ZSCAN21: variants seen among roughly 807,000 people sequenced by gnomAD.
The protein encoded by ZSCAN21 is zinc finger and SCAN domain-containing protein 21.
In ZSCAN21, 26 loss-of-function variants were observed where a neutral mutation model predicts 35.6. That is an observed-to-expected ratio of 0.73 (90% CI 0.54 to 1.01). ZSCAN21 has a LOEUF of 1.01. Among genes scored for constraint, ZSCAN21 ranks in the 50% least tolerant of loss-of-function variants. ZSCAN21 has a pLI of 0.00. For missense variants in ZSCAN21, 593 were observed against 587.1 expected (o/e 1.01, Z -0.10); for synonymous variants, 219 against 219.3 (o/e 1.00, Z 0.01).
intron 1 of ZSCAN21, among the ~76,000 whole-genome samples, chr7:100,051,303 T>TTTTTTTTTTTTTTTTTTTTTTTTTTTG (rs1791869731): frequency 2.4e-5 from 2 of 83,256 alleles, no homozygotes; most frequent in Non-Finnish European, 5.1e-5. Context: ...TTTTTTTTTT[T>TTTTTTTTTTTTTTTTTTTTTTTTTTTG]TTTTTTTTGA....
rs1003011384 is a variant in ZSCAN21 at position 100,063,038 on chromosome 7, C to T, written c.593-750C>T. 2.0e-5 allele frequency among the ~76,000 whole-genome samples: 3 copies of T among 152,118 alleles called. No individual in the cohort carries two copies. In the South Asian group the frequency reaches 6.2e-4, roughly 32 times the overall value. On this transcript the variant is annotated intron_variant, in intron 3 of 3. Transcript: ENST00000292450. ...TCCCAAGTAGCTGGGACCACAGGGG[C>T]ACACCATGCCCACCTAATTTTTTTA...
At chr7:100,060,202 T>C (rs542975726) in intron 3 of ZSCAN21, among the ~76,000 whole-genome samples, 14 of 152,310 alleles carry the variant, frequency 9.2e-5, no homozygotes, top group Non-Finnish European at 1.8e-4. Flanking sequence ...TGGCAGGCAT[T>C]GGACATCAGT....
intron 3 of ZSCAN21, among the ~76,000 whole-genome samples, chr7:100,058,522 G>A (rs940128153): frequency 6.6e-6 from 1 of 152,242 alleles, no homozygotes; most frequent in African/African-American, 2.4e-5. Flanking sequence ...CACAGGGCGG[G>A]TCAGAGAATG....
At position 100,057,758 on chromosome 7, in the gene ZSCAN21, G is replaced by T. The variant is rs753668216; in HGVS notation, c.460G>T (p.Ala154Ser). 1.9e-6 allele frequency: 3 copies of T among 1,614,030 alleles called. No individual in the cohort carries two copies. In the South Asian group the frequency reaches 3.3e-5, roughly 18 times the overall value. ...GGAGAAGATATCCTCCTCAGGAACT[G>T]CAAAGGAATCCCCGAGCAGCATGCA... ...VWEKISSSGTAKESPSSMQPQ... is the reference protein window; with the variant it reads ...VWEKISSSGTSKESPSSMQPQ... The change falls in exon 3 of 4, where the codon GCA becomes TCA. Residue 154 changes from alanine (A) to serine (S), a missense_variant. Ala to Ser is a moderately conservative substitution (Grantham distance 99, BLOSUM62 1). Transcript: ENST00000292450.
chr7:100,057,046 C>A lies in ZSCAN21; in HGVS notation c.40C>A (p.Pro14Thr). The A allele has an allele frequency of 6.2e-7, 1 of 1,613,820 alleles. No individual in the cohort carries two copies. The highest frequency in any genetic ancestry group is 8.5e-7 in the Non-Finnish European group (1 of 1,179,888). ...KVLGMAPVLG[P>T]RPPQEQVGPL... ...ACTAGGCATGGCCCCAGTTCTGGGC[C>A]CTAGGCCTCCACAGGAGCAGGTGGG... Residue 14 changes from proline (P) to threonine (T), a missense_variant, in exon 2 of 4, where the codon CCT becomes ACT. By Grantham distance (38) the Pro-to-Thr change is conservative. Coordinates refer to ENST00000292450, the MANE Select transcript of ZSCAN21 (RefSeq NM_145914.3).
intron 1 of ZSCAN21, among the ~76,000 whole-genome samples, 167 bp from the exon 2 acceptor site, chr7:100,056,744 A>C (rs947176262): frequency 1.3e-5 from 2 of 152,236 alleles, no homozygotes; most frequent in African/African-American, 4.8e-5. Flanking sequence ...AATTATAGGC[A>C]TGAGCCACTG....
At chr7:100,056,221 G>T (rs143699260) in intron 1 of ZSCAN21, among the ~76,000 whole-genome samples, 1 of 151,902 alleles carries the variant, frequency 6.6e-6, no homozygotes, top group Non-Finnish European at 1.5e-5. Flanking sequence ...GATTACAGGC[G>T]TGAGCCACCA....
At chr7:100,050,087 T>C (rs1791803763) in intron 1 of ZSCAN21, among the ~76,000 whole-genome samples, 1 of 152,168 alleles carries the variant, frequency 6.6e-6, no homozygotes, top group Non-Finnish European at 1.5e-5. Flanking sequence ...GAACAGATGT[T>C]TTGGAAGTTC....
chr7:100,060,748 T>C (rs1476266105), intron 3 of ZSCAN21, among the ~76,000 whole-genome samples: 1 of 148,894 alleles, frequency 6.7e-6, no homozygotes, highest in East Asian at 2.0e-4. Flanking sequence ...TAGTCCCAGC[T>C]ACTCGGGAGG....
intron 1 of ZSCAN21, among the ~76,000 whole-genome samples, chr7:100,053,546 A>ATTT (rs1554358004): frequency 6.3e-5 from 5 of 79,486 alleles, no homozygotes; most frequent in South Asian, 3.3e-4. Context: ...TACATACATA[A>ATTT]TTTTTTTTTT....
chr7:100,062,749 C>T (rs1319329789), intron 3 of ZSCAN21, among the ~76,000 whole-genome samples: 1 of 152,102 alleles, frequency 6.6e-6, no homozygotes, highest in Non-Finnish European at 1.5e-5. Flanking sequence ...GTGCCAGGTG[C>T]TTCTAGTCCC....
chr7:100,056,858 G>C, intron 1 of ZSCAN21, 53 bp from the exon 2 acceptor site: 2 of 801,464 alleles, frequency 2.5e-6, no homozygotes, highest in Non-Finnish European at 3.9e-6. Context: ...TGGCTGTAAA[G>C]ACCCAAAAAC....
chr7:100,064,734 C>G lies in ZSCAN21; in HGVS notation c.*117C>G. ...TGATAGAGTTTGTATCACTCAACAT[C>G]AGGGGATGCCTGAGGAGTGCGAGCT... On this transcript the variant is annotated 3_prime_UTR_variant, in exon 4 of 4. Coordinates refer to ENST00000292450, the MANE Select transcript of ZSCAN21 (RefSeq NM_145914.3). The G allele has an allele frequency of 6.2e-7, 1 of 1,612,876 alleles. No homozygotes were observed. Among genetic ancestry groups the G allele is most frequent in the South Asian group, 1.1e-5 (1 of 90,946 alleles).
chr7:100,053,312 A>G (rs1791953070), intron 1 of ZSCAN21, among the ~76,000 whole-genome samples: 1 of 151,918 alleles, frequency 6.6e-6, no homozygotes, highest in Non-Finnish European at 1.5e-5. Flanking sequence ...TCGCACATGA[A>G]TGTTATGTTA....
intron 1 of ZSCAN21, 117 bp from the exon 2 acceptor site, chr7:100,056,794 T>C (rs1248310940): frequency 8.1e-6 from 4 of 495,446 alleles, no homozygotes; most frequent in Non-Finnish European, 1.4e-5. Context: ...CAGTTGTTTT[T>C]GTATGGTAGT....
intron 1 of ZSCAN21, among the ~76,000 whole-genome samples, chr7:100,051,886 T>C (rs937728462): frequency 6.6e-6 from 1 of 152,054 alleles, no homozygotes; most frequent in African/African-American, 2.4e-5. Flanking sequence ...ACTGTGATTG[T>C]AGACAATGTG....
Position 100,054,765 on chromosome 7 carries a change from G to T in ZSCAN21, c.-96-2146G>T, listed in dbSNP as rs1415508992. 7.4e-5 allele frequency among the ~76,000 whole-genome samples: 11 copies of T among 148,056 alleles called. No individual in the cohort carries two copies. The South Asian group carries it at 2.4e-3, about 32-fold the overall frequency. The stretch of plus-strand genomic sequence containing the variant: ...GAGGCAGGAGAATCGCTTGAACCCG[G>T]GAGGCGGAGGTTGCAGTGAGCCGAG... On this transcript the variant is annotated intron_variant, in intron 1 of 3. Transcript: ENST00000292450.
At chr7:100,055,697 G>A (rs1031410999) in intron 1 of ZSCAN21, among the ~76,000 whole-genome samples, 2 of 149,460 alleles carry the variant, frequency 1.3e-5, no homozygotes, top group Non-Finnish European at 3.0e-5. Flanking sequence ...CTGGAGTGCA[G>A]TGGCGCGATC....
intron 1 of ZSCAN21, among the ~76,000 whole-genome samples, chr7:100,053,696 C>T (rs1791974919): frequency 6.6e-6 from 1 of 151,656 alleles, no homozygotes; most frequent in African/African-American, 2.4e-5. Flanking sequence ...ATTACAGGTG[C>T]CTGCCACCAC....
Sources: gnomAD v4.1 joint callset for allele counts (sites outside exome capture counted in the v4.1 genomes callset) on GRCh38, gnomAD v4.1.1 for gene constraint, MANE v1.5 for transcripts, NCBI Gene and HGNC (gene_info 2026-07-23, HGNC 2026-07-21) for gene names.